The following SCEL variants were observed in gnomAD, a reference collection of about 807,000 sequenced individuals.
SCEL encodes sciellin.
Under a neutral mutation model 117.6 loss-of-function variants are expected in SCEL, and 113 were observed. The ratio of observed to expected loss-of-function variants is 0.96; its 90% CI spans 0.83 to 1.12. The LOEUF (loss-of-function observed/expected upper bound fraction) is 1.12, where lower values mean the gene tolerates loss of function less well. Ranked by LOEUF, SCEL falls within the 50% of genes most tolerant of loss-of-function variation. The pLI, the probability that SCEL is intolerant of heterozygous loss-of-function variation, is 0.00. For missense variants in SCEL, 785 were observed against 810.8 expected (o/e 0.97, Z 0.39); for synonymous variants, 270 against 256.2 (o/e 1.05, Z -0.51).
At chr13:77,599,154 G>T (rs1453373056) in intron 13 of SCEL, among the ~76,000 whole-genome samples, 175 bp from the exon 14 acceptor site, 3 of 152,114 alleles carry the variant, frequency 2.0e-5, no homozygotes, top group African/African-American at 7.2e-5. Flanking sequence ...TTTTCTCTAA[G>T]GCCCACTGCA....
chr13:77,620,874 C>T (rs1191856389), intron 27 of SCEL, among the ~76,000 whole-genome samples: 1 of 152,134 alleles, frequency 6.6e-6, no homozygotes, highest in Non-Finnish European at 1.5e-5. Context: ...GTTAAGACAT[C>T]CCCAAGTTTT....
chr13:77,557,494 C>T, intron 3 of SCEL, among the ~76,000 whole-genome samples: 1 of 152,204 alleles, frequency 6.6e-6, no homozygotes, highest in South Asian at 2.1e-4. Context: ...CAATAAAACA[C>T]AACGTAGGTG....
chr13:77,588,272 A>G (rs953837960), intron 9 of SCEL, among the ~76,000 whole-genome samples: 3 of 152,188 alleles, frequency 2.0e-5, no homozygotes, highest in African/African-American at 7.2e-5. Flanking sequence ...AAAGATTATT[A>G]CAGATGAAGA....
In SCEL at chr13:77,642,788, C is replaced by T. The variant is rs2090620307; in HGVS notation, c.2030C>T (p.Pro677Leu). ...TATAGACAGACAATACACTGTGAAC[C>T]TTGCTACTCTAAAATTATGGGTAAG... is the stretch of plus-strand genomic sequence containing the variant. ...WIYRQTIHCE[P>L]CYSKIMAKWI... Residue 677 changes from proline (P) to leucine (L), a missense_variant, in exon 32 of 33, where the codon CCT becomes CTT. Pro to Leu is a moderately conservative substitution (Grantham distance 98). Transcript: ENST00000349847. 1 of 1,593,004 alleles carries T rather than the reference C, an allele frequency of 6.3e-7. No homozygotes were observed. The highest frequency in any genetic ancestry group is 8.6e-7 in the Non-Finnish European group (1 of 1,168,166).
At chr13:77,610,773 T>C (rs1162409842) in intron 22 of SCEL, among the ~76,000 whole-genome samples, 2 of 152,246 alleles carry the variant, frequency 1.3e-5, no homozygotes, top group Non-Finnish European at 2.9e-5. Context: ...TCTTCCATCA[T>C]GTATTACCTC....
At chr13:77,637,882 G>A (rs1462695918) in intron 30 of SCEL, among the ~76,000 whole-genome samples, 2 of 152,202 alleles carry the variant, frequency 1.3e-5, no homozygotes, top group Non-Finnish European at 2.9e-5. Flanking sequence ...GGTTTTTGCT[G>A]TTAGTGATCC....
chr13:77,638,917 T>G (rs183067809), intron 30 of SCEL, among the ~76,000 whole-genome samples: 301 of 152,166 alleles, frequency 2.0e-3, no homozygotes, highest in Non-Finnish European at 3.4e-3. Context: ...CTCTTTCCTC[T>G]TCAAACAATG....
At position 77,602,143 on chromosome 13, in the gene SCEL, T is replaced by A; in HGVS notation, c.977+19T>A. 6.3e-7 allele frequency: 1 copy of A among 1,592,584 alleles called. No homozygotes were observed. The highest frequency in any genetic ancestry group is 8.6e-7 in the Non-Finnish European group (1 of 1,168,236). On this transcript the variant is annotated intron_variant, in intron 16 of 32. Coordinates refer to ENST00000349847, the MANE Select transcript of SCEL (RefSeq NM_144777.3). ...AGAAAGGGTAAGTCAATCTCCTACC[T>A]TGATGGAGCTCTTTTTATTCAGGTT... is the stretch of plus-strand genomic sequence containing the variant.
intron 1 of SCEL, among the ~76,000 whole-genome samples, chr13:77,550,988 C>T (rs2084285362): frequency 6.6e-6 from 1 of 152,196 alleles, no homozygotes; most frequent in Non-Finnish European, 1.5e-5. Context: ...GTGAGATGCT[C>T]AGGGCCAGGC....
intron 5 of SCEL, among the ~76,000 whole-genome samples, chr13:77,567,269 C>G (rs987945751): frequency 6.6e-6 from 1 of 152,070 alleles, no homozygotes; most frequent in Non-Finnish European, 1.5e-5. Flanking sequence ...GTGTGGCCAA[C>G]ATGGTGAAAC....
intron 22 of SCEL, among the ~76,000 whole-genome samples, chr13:77,610,874 G>T (rs1451726554): frequency 6.6e-6 from 1 of 152,038 alleles, no homozygotes; most frequent in Non-Finnish European, 1.5e-5. Flanking sequence ...AATGACATTT[G>T]TCTTTTATAT....
chr13:77,557,199 G>A (rs945357126), intron 3 of SCEL, among the ~76,000 whole-genome samples: 1 of 152,158 alleles, frequency 6.6e-6, no homozygotes, highest in African/African-American at 2.4e-5. Flanking sequence ...TACTGGGAAG[G>A]TGGGATATAT....
chr13:77,600,965 A>G (rs2087632806), intron 15 of SCEL, among the ~76,000 whole-genome samples: 1 of 152,234 alleles, frequency 6.6e-6, no homozygotes, highest in African/African-American at 2.4e-5. Flanking sequence ...TTTATGATGT[A>G]GAACACTTAA....
At chr13:77,606,913 A>C (rs1038652882) in intron 19 of SCEL, among the ~76,000 whole-genome samples, 3 of 152,208 alleles carry the variant, frequency 2.0e-5, no homozygotes, top group Admixed American at 2.0e-4. Context: ...TACTGCTGCT[A>C]CTGGTATGCA....
At chr13:77,621,579 T>C (rs1054866420) in intron 27 of SCEL, among the ~76,000 whole-genome samples, 1 of 152,214 alleles carries the variant, frequency 6.6e-6, no homozygotes, top group Non-Finnish European at 1.5e-5. Flanking sequence ...TAATCATCCC[T>C]TTTTGACTAT....
chr13:77,542,544 G>A (rs2083764624), intron 1 of SCEL, among the ~76,000 whole-genome samples: 1 of 152,220 alleles, frequency 6.6e-6, no homozygotes, highest in South Asian at 2.1e-4. Context: ...GAGGTTGTGT[G>A]ACTGAAGAAA....
chr13:77,539,548 T>A (rs2083586147), intron 1 of SCEL, among the ~76,000 whole-genome samples: 1 of 152,036 alleles, frequency 6.6e-6, no homozygotes. Context: ...ATAATTTTTT[T>A]TTTTTTTGAG....
intron 30 of SCEL, among the ~76,000 whole-genome samples, chr13:77,638,942 T>G (rs1195038081): frequency 6.6e-6 from 1 of 152,150 alleles, no homozygotes; most frequent in Non-Finnish European, 1.5e-5. Flanking sequence ...TGGCACTTTT[T>G]TCTGACAAGG....
intron 29 of SCEL, 119 bp downstream of exon 29, chr13:77,634,569 G>A (rs572031284): frequency 1.6e-6 from 1 of 624,200 alleles, no homozygotes; most frequent in African/African-American, 1.8e-5. Flanking sequence ...CCGTTTATAA[G>A]TACATTGAGT....
Sources: allele counts gnomAD v4.1 joint callset (sites outside exome capture counted in the v4.1 genomes callset), GRCh38; gene constraint gnomAD v4.1.1; transcripts MANE v1.5; gene names NCBI Gene and HGNC (gene_info 2026-07-23, HGNC 2026-07-21).